The following RAB11FIP4 variants were observed in gnomAD, a reference collection of about 807,000 sequenced individuals.
RAB11FIP4 encodes the protein RAB11 family interacting protein 4.
A neutral mutation model predicts 74.3 loss-of-function variants in RAB11FIP4; 23 were observed. That is an observed-to-expected ratio of 0.31 (90% confidence interval 0.22 to 0.44). The LOEUF is 0.44. Among genes scored for constraint, RAB11FIP4 ranks in the 20% least tolerant of loss-of-function variants. The pLI is 1.00. For synonymous variants in RAB11FIP4, 360 were observed against 359.9 expected (o/e 1.00, Z 0.00); for missense variants, 630 against 863.9 (o/e 0.73, Z 3.39).
chr17:31,465,531 AC>A (rs949962783), intron 3 of RAB11FIP4: 3 of 144,524 alleles, frequency 2.1e-5, no homozygotes, highest in Non-Finnish European at 4.5e-5. Flanking sequence ...AAAAAAAAGA[AC>A]CCCAGCCCCT....
chr17:31,500,971 C>T (rs1257981597), intron 3 of RAB11FIP4, among the ~76,000 whole-genome samples: 24 of 151,358 alleles, frequency 1.6e-4, no homozygotes, highest in Non-Finnish European at 1.5e-5. Flanking sequence ...TGCAATGAGC[C>T]GAGATCGTGC....
intron 3 of RAB11FIP4, among the ~76,000 whole-genome samples, chr17:31,505,473 TAATTATAA>T (rs1465736824): frequency 1.2e-5 from 1 of 85,314 alleles, no homozygotes; most frequent in Non-Finnish European, 2.1e-5. Context: ...CATATAATAA[TAATTATAA>T]TATATAATAT....
At chr17:31,482,990 C>T (rs1341900746) in intron 3 of RAB11FIP4, among the ~76,000 whole-genome samples, 1 of 151,934 alleles carries the variant, frequency 6.6e-6, no homozygotes, top group African/African-American at 2.4e-5. Flanking sequence ...ATCAGGAGTT[C>T]GAGGCTATCC....
chr17:31,516,437 AAAAC>A, intron 3 of RAB11FIP4, among the ~76,000 whole-genome samples: 1 of 152,192 alleles, frequency 6.6e-6, no homozygotes, highest in East Asian at 1.9e-4. Context: ...ATGCACAAAC[AAAAC>A]AAAGAATGAA....
At chr17:31,473,410 G>T (rs1178345067) in intron 3 of RAB11FIP4, among the ~76,000 whole-genome samples, 1 of 151,656 alleles carries the variant, frequency 6.6e-6, no homozygotes, top group Non-Finnish European at 1.5e-5. Flanking sequence ...GGGCATGGTG[G>T]CATGTTCCTG....
intron 3 of RAB11FIP4, among the ~76,000 whole-genome samples, chr17:31,498,001 G>A (rs138292415): frequency 4.6e-5 from 7 of 152,258 alleles, no homozygotes; most frequent in Admixed American, 1.3e-4. Flanking sequence ...CATTGGGGTG[G>A]GTAAAGGTGC....
rs1240023919 is a variant in RAB11FIP4, at chr17:31,505,601, TA to T, written c.337-12048del. On this transcript the variant is annotated intron_variant, in intron 3 of 14. Transcript: ENST00000621161. ...TATATAATAATAATTATATATTATATAATAATAATTATATATAATATATAAT... is the reference window on the plus strand; with the variant it reads ...TATATAATAATAATTATATATTATATATAATAATTATATATAATATATAAT... 9.9e-3 allele frequency among the ~76,000 whole-genome samples: 548 copies of T among 55,152 alleles called. 20 individuals are homozygous for T. Among genetic ancestry groups the T allele is most frequent in the Admixed American group, 0.089 (299 of 3,354 alleles). 36.2% of individuals were successfully genotyped at this position (55,152 alleles called of 152,430 possible).
intron 3 of RAB11FIP4, among the ~76,000 whole-genome samples, chr17:31,504,695 A>G (rs2072284447): frequency 6.6e-6 from 1 of 152,242 alleles, no homozygotes; most frequent in Admixed American, 6.5e-5. Context: ...GACAAAATTA[A>G]GCATAATTCC....
chr17:31,407,753 T>G (rs1050386531), intron 1 of RAB11FIP4, among the ~76,000 whole-genome samples: 1 of 152,176 alleles, frequency 6.6e-6, no homozygotes, highest in African/African-American at 2.4e-5. Context: ...ATTTGTTCTA[T>G]TTTGGGGATG....
intron 3 of RAB11FIP4, among the ~76,000 whole-genome samples, chr17:31,444,481 A>G (rs1567657672): frequency 6.6e-6 from 1 of 152,190 alleles, no homozygotes; most frequent in Non-Finnish European, 1.5e-5. Flanking sequence ...GGATGGAAGC[A>G]GTGCAGATAT....
chr17:31,454,609 G>A (rs1358253891), intron 3 of RAB11FIP4, among the ~76,000 whole-genome samples: 3 of 152,000 alleles, frequency 2.0e-5, no homozygotes, highest in African/African-American at 4.8e-5. Flanking sequence ...TCAGTCAGGC[G>A]GCCATGGCTC....
intron 3 of RAB11FIP4, among the ~76,000 whole-genome samples, chr17:31,443,444 T>C (rs1024757765): frequency 6.6e-6 from 1 of 152,250 alleles, no homozygotes; most frequent in African/African-American, 2.4e-5. Flanking sequence ...GAAACTGTTC[T>C]GTTTTATTTT....
At chr17:31,462,573 G>A (rs2071643789) in intron 3 of RAB11FIP4, among the ~76,000 whole-genome samples, 1 of 152,066 alleles carries the variant, frequency 6.6e-6, no homozygotes, top group Non-Finnish European at 1.5e-5. Context: ...CCTAGCACCA[G>A]CCTCGGTCCG....
intron 3 of RAB11FIP4, among the ~76,000 whole-genome samples, chr17:31,498,490 G>A (rs1014508312): frequency 1.3e-5 from 2 of 152,182 alleles, no homozygotes; most frequent in African/African-American, 4.8e-5. Flanking sequence ...CTGGCAGGAG[G>A]CCCTGCAGGG....
intron 1 of RAB11FIP4, among the ~76,000 whole-genome samples, chr17:31,411,708 C>G (rs1438757824): frequency 6.6e-6 from 1 of 152,256 alleles, no homozygotes; most frequent in Non-Finnish European, 1.5e-5. Context: ...AGAACTTTGC[C>G]TCTGCAAAGA....
chr17:31,530,057 G>GGAAGGGATGGCCAT (rs2072839273), intron 13 of RAB11FIP4, among the ~76,000 whole-genome samples: 10 of 152,242 alleles, frequency 6.6e-5, no homozygotes, highest in Admixed American at 4.6e-4. Flanking sequence ...GGGATGGCCA[G>GGAAGGGATGGCCAT]GAGCCTTGGC....
At chr17:31,492,316 G>C (rs953580048) in intron 3 of RAB11FIP4, among the ~76,000 whole-genome samples, 5 of 152,144 alleles carry the variant, frequency 3.3e-5, no homozygotes, top group African/African-American at 1.2e-4. Context: ...TCCAGGTTAG[G>C]GCCCCAGATC....
At chr17:31,498,014 A>T (rs186112930) in intron 3 of RAB11FIP4, among the ~76,000 whole-genome samples, 1 of 152,244 alleles carries the variant, frequency 6.6e-6, no homozygotes, top group East Asian at 1.9e-4. Context: ...AAAGGTGCCC[A>T]GGAGCCTGGG....
At chr17:31,513,162 AG>A (rs2072483642) in intron 3 of RAB11FIP4, among the ~76,000 whole-genome samples, 1 of 152,118 alleles carries the variant, frequency 6.6e-6, no homozygotes, top group African/African-American at 2.4e-5. Context: ...TATGCTCAAC[AG>A]GGGGCTCCGC....
Sources: gnomAD v4.1 joint callset for allele counts (sites outside exome capture counted in the v4.1 genomes callset) on GRCh38, gnomAD v4.1.1 for gene constraint, MANE v1.5 for transcripts, NCBI Gene and HGNC (gene_info 2026-07-23, HGNC 2026-07-21) for gene names.